The following FHIT variants were observed in gnomAD, a reference collection of about 807,000 sequenced individuals.
FHIT encodes the protein fragile histidine triad diadenosine triphosphatase.
FHIT carries 19 observed loss-of-function variants against 17.9 expected under a neutral mutation model. That is an observed-to-expected ratio of 1.06 (90% CI 0.74 to 1.56). The LOEUF (loss-of-function observed/expected upper bound fraction) is 1.56, where lower values mean the gene tolerates loss of function less well. Ranked by LOEUF, FHIT falls within the 40% of genes most tolerant of loss-of-function variation. The pLI, the probability that FHIT is intolerant of heterozygous loss-of-function variation, is 0.00. For synonymous variants in FHIT, 81 were observed against 69.7 expected (o/e 1.16, Z -0.81); for missense variants, 248 against 189.2 (o/e 1.31, Z -1.82).
At chr3:61,203,022 T>C (rs952744967) in intron 1 of FHIT, among the ~76,000 whole-genome samples, 3 of 151,604 alleles carry the variant, frequency 2.0e-5, no homozygotes, top group African/African-American at 7.3e-5. Flanking sequence ...CTACTAAAAA[T>C]ACAAAAAATT....
At chr3:60,633,263 G>C (rs955156795) in intron 4 of FHIT, among the ~76,000 whole-genome samples, 6 of 152,126 alleles carry the variant, frequency 3.9e-5, no homozygotes, top group African/African-American at 1.4e-4. Flanking sequence ...ATTGCACGAT[G>C]AACTAGCTGT....
At chr3:61,028,430 T>C (rs1431485284) in intron 3 of FHIT, among the ~76,000 whole-genome samples, 3 of 152,148 alleles carry the variant, frequency 2.0e-5, no homozygotes, top group Non-Finnish European at 4.4e-5. Flanking sequence ...GAGTTTACAC[T>C]TCAGGTCCTG....
At chr3:60,746,416 A>T (rs1187743900) in intron 4 of FHIT, among the ~76,000 whole-genome samples, 1 of 152,226 alleles carries the variant, frequency 6.6e-6, no homozygotes, top group Non-Finnish European at 1.5e-5. Context: ...AGGTAGACCC[A>T]ATTACCACAC....
chr3:60,140,367 G>A (rs1001391588), intron 5 of FHIT, among the ~76,000 whole-genome samples: 1 of 152,064 alleles, frequency 6.6e-6, no homozygotes, highest in African/African-American at 2.4e-5. Flanking sequence ...TTTGGCACAT[G>A]ACATGGCTGG....
chr3:60,500,406 T>C (rs2034475839), intron 5 of FHIT, among the ~76,000 whole-genome samples: 1 of 152,204 alleles, frequency 6.6e-6, no homozygotes, highest in Non-Finnish European at 1.5e-5. Flanking sequence ...ATTCAAACAC[T>C]TTTAGATTAA....
At chr3:60,504,123 C>T (rs1559497877) in intron 5 of FHIT, among the ~76,000 whole-genome samples, 1 of 152,122 alleles carries the variant, frequency 6.6e-6, no homozygotes. Context: ...TTGATAGCCA[C>T]CAATGTCAGT....
chr3:60,303,711 G>T (rs760678447), intron 5 of FHIT, among the ~76,000 whole-genome samples: 1 of 152,156 alleles, frequency 6.6e-6, no homozygotes, highest in Non-Finnish European at 1.5e-5. Context: ...CCCCTTGGAG[G>T]TGAGCTGTCC....
intron 5 of FHIT, among the ~76,000 whole-genome samples, chr3:60,036,469 T>C (rs889591037): frequency 6.6e-6 from 1 of 152,204 alleles, no homozygotes; most frequent in Non-Finnish European, 1.5e-5. Flanking sequence ...GTCTGTATAA[T>C]GAGAGTTTCA....
intron 5 of FHIT, among the ~76,000 whole-genome samples, chr3:60,285,090 T>C (rs1707658777): frequency 6.6e-6 from 1 of 152,124 alleles, no homozygotes; most frequent in African/African-American, 2.4e-5. Flanking sequence ...CCAACTCCTT[T>C]TTAACAAAAT....
chr3:60,912,318 T>C (rs530709605), intron 3 of FHIT, among the ~76,000 whole-genome samples: 5 of 152,216 alleles, frequency 3.3e-5, no homozygotes, highest in African/African-American at 1.2e-4. Context: ...TGGAATCCGA[T>C]CATACCGGGA....
At chr3:60,728,175 C>A (rs1553710100) in intron 4 of FHIT, among the ~76,000 whole-genome samples, 1 of 152,178 alleles carries the variant, frequency 6.6e-6, no homozygotes, top group African/African-American at 2.4e-5. Context: ...GTGCTATCAA[C>A]TATGTCACAT....
At chr3:60,351,614 A>T (rs1269582501) in intron 5 of FHIT, among the ~76,000 whole-genome samples, 1 of 152,228 alleles carries the variant, frequency 6.6e-6, no homozygotes, top group African/African-American at 2.4e-5. Flanking sequence ...GAGCTAACTG[A>T]TAATACCTGT....
At chr3:60,676,831 G>GT (rs545047068) in intron 4 of FHIT, among the ~76,000 whole-genome samples, 371 of 152,000 alleles carry the variant, frequency 2.4e-3, no homozygotes, top group African/African-American at 8.7e-3. Flanking sequence ...TTTAATTACT[G>GT]TTTTTTTCTT....
intron 5 of FHIT, among the ~76,000 whole-genome samples, chr3:60,387,674 T>G (rs897141397): frequency 5.3e-5 from 8 of 152,168 alleles, no homozygotes; most frequent in African/African-American, 1.9e-4. Context: ...CTTCTCTCTC[T>G]GTCCCTCTCA....
chr3:59,814,885 T>C (rs1432113118), intron 8 of FHIT, among the ~76,000 whole-genome samples: 1 of 151,938 alleles, frequency 6.6e-6, no homozygotes, highest in African/African-American at 2.4e-5. Flanking sequence ...GGAATAAATA[T>C]GAAAAAAAAT....
intron 5 of FHIT, among the ~76,000 whole-genome samples, chr3:60,533,998 G>A (rs2035884089): frequency 6.6e-6 from 1 of 152,098 alleles, no homozygotes; most frequent in South Asian, 2.1e-4. Context: ...AACACTGGAG[G>A]AAGATAAAAG....
At chr3:60,968,656 C>G (rs1437565896) in intron 3 of FHIT, among the ~76,000 whole-genome samples, 1 of 152,162 alleles carries the variant, frequency 6.6e-6, no homozygotes, top group Non-Finnish European at 1.5e-5. Context: ...CATGATCCAC[C>G]CGCCTTGGCC....
intron 8 of FHIT, among the ~76,000 whole-genome samples, chr3:59,752,873 C>G (rs1474955379): frequency 1.3e-5 from 2 of 152,108 alleles, no homozygotes; most frequent in Admixed American, 6.6e-5. Context: ...ACTGCTGTTC[C>G]TTATAAATTA....
chr3:60,467,247 C>T (rs532932732), intron 5 of FHIT, among the ~76,000 whole-genome samples: 2 of 151,520 alleles, frequency 1.3e-5, no homozygotes, highest in African/African-American at 4.8e-5. Flanking sequence ...TGGGTCTTCT[C>T]TTTTTTTCTG....
Sources: gnomAD v4.1 joint callset for allele counts (sites outside exome capture counted in the v4.1 genomes callset) on GRCh38, gnomAD v4.1.1 for gene constraint, MANE v1.5 for transcripts, NCBI Gene and HGNC (gene_info 2026-07-23, HGNC 2026-07-21) for gene names.